Variants in SLC35F1 observed in about 807,000 individuals in gnomAD.
SLC35F1 encodes the protein chromosome 6 open reading frame 169.
Under a neutral mutation model 48.7 loss-of-function variants are expected in SLC35F1, and 14 were observed. That is an observed-to-expected ratio of 0.29 (90% confidence interval 0.19 to 0.45). The LOEUF (loss-of-function observed/expected upper bound fraction) is 0.45. Among genes scored for constraint, SLC35F1 ranks in the 20% least tolerant of loss-of-function variants. The pLI is 1.00. For synonymous variants in SLC35F1, 190 were observed against 202.2 expected, an observed-to-expected ratio of 0.94 and a Z score of 0.51; for missense variants, 404 against 500.0, an observed-to-expected ratio of 0.81 and a Z score of 1.83.
At chr6:118,113,030 C>T (rs1272183405) in intron 1 of SLC35F1, among the ~76,000 whole-genome samples, 4 of 152,034 alleles carry the variant, frequency 2.6e-5, no homozygotes, top group Non-Finnish European at 4.4e-5. Flanking sequence ...ATGTACAACA[C>T]CAAGAGTGAA....
In SLC35F1 at chr6:118,162,206, G is replaced by A. The variant is rs114276277; in HGVS notation, c.349+7586G>A. On this transcript the variant is annotated intron_variant, in intron 2 of 7. Transcript: ENST00000360388. ...ATAAAAAGAAATAAGCTACTGATAC[G>A]TATAATAGTATGGGTTAATCTCAAA... 4.1e-3 allele frequency among the ~76,000 whole-genome samples: 619 copies of A among 152,268 alleles called. 3 individuals carry two copies. The highest frequency in any genetic ancestry group is 0.014 in the African/African-American group (587 of 41,566).
At chr6:118,195,448 C>T (rs1774787941) in intron 2 of SLC35F1, among the ~76,000 whole-genome samples, 1 of 152,100 alleles carries the variant, frequency 6.6e-6, no homozygotes, top group Non-Finnish European at 1.5e-5. Context: ...TTCAGGATCC[C>T]ATTTTTACCT....
chr6:118,011,061 G>T (rs1034563007), intron 1 of SLC35F1, among the ~76,000 whole-genome samples: 5 of 152,124 alleles, frequency 3.3e-5, no homozygotes, highest in African/African-American at 9.7e-5. Flanking sequence ...ACATCCAATA[G>T]TACAGTGGTC....
At chr6:118,024,339 T>A (rs779800839) in intron 1 of SLC35F1, among the ~76,000 whole-genome samples, 41 of 152,164 alleles carry the variant, frequency 2.7e-4, no homozygotes, top group Non-Finnish European at 8.8e-5. Flanking sequence ...AGTGCTAATT[T>A]ATGTAAAGAA....
chr6:118,297,606 AT>A (rs899474945), intron 7 of SLC35F1, among the ~76,000 whole-genome samples: 1 of 139,648 alleles, frequency 7.2e-6, no homozygotes, highest in African/African-American at 2.7e-5. Flanking sequence ...CCTAAGTTGC[AT>A]TTTTTTCTCA....
At chr6:118,279,378 T>A (rs1304691410) in intron 6 of SLC35F1, among the ~76,000 whole-genome samples, 1 of 152,198 alleles carries the variant, frequency 6.6e-6, no homozygotes, top group Non-Finnish European at 1.5e-5. Context: ...TTGGGATGTG[T>A]TTACACCAGG....
At chr6:118,284,491 T>C (rs888554406) in intron 6 of SLC35F1, among the ~76,000 whole-genome samples, 3 of 152,032 alleles carry the variant, frequency 2.0e-5, no homozygotes, top group Non-Finnish European at 4.4e-5. Flanking sequence ...GGATGAGAGA[T>C]TGGCCACATA....
intron 3 of SLC35F1, among the ~76,000 whole-genome samples, chr6:118,260,970 T>A (rs998398581): frequency 1.3e-5 from 2 of 152,216 alleles, no homozygotes; most frequent in African/African-American, 4.8e-5. Flanking sequence ...AACTCTGAAG[T>A]TACTCTGTTC....
In SLC35F1 at chr6:118,314,847, A is replaced by G. The variant is rs76531026; in HGVS notation, c.*595A>G. ...ATTTTGTGCTGTGACCTTTGTGGGG[A>G]GGGGCAACTGACCATATACTTCTCT... On this transcript the variant is annotated 3_prime_UTR_variant, in exon 8 of 8. Coordinates refer to ENST00000360388, the MANE Select transcript of SLC35F1 (RefSeq NM_001029858.4). 0.015 allele frequency: 2,327 copies of G among 154,310 alleles called. 21 individuals carry two copies. Among genetic ancestry groups the G allele is most frequent in the Non-Finnish European group, 0.02 (1,370 of 69,160 alleles). The allele number at this position is 154,310 out of a possible 1,614,324, so 9.6% of individuals were successfully genotyped here.
At chr6:118,048,247 G>A (rs1281534081) in intron 1 of SLC35F1, among the ~76,000 whole-genome samples, 2 of 152,080 alleles carry the variant, frequency 1.3e-5, no homozygotes, top group South Asian at 2.1e-4. Context: ...TGATCATGGT[G>A]GATAAGCTTT....
chr6:118,021,400 C>T (rs1777391941), intron 1 of SLC35F1, among the ~76,000 whole-genome samples: 1 of 152,144 alleles, frequency 6.6e-6, no homozygotes, highest in Non-Finnish European at 1.5e-5. Flanking sequence ...CAATACAGAG[C>T]ATCCTAAGTG....
intron 2 of SLC35F1, among the ~76,000 whole-genome samples, chr6:118,187,226 A>G (rs1004735320): frequency 6.6e-5 from 10 of 152,296 alleles, no homozygotes; most frequent in African/African-American, 2.2e-4. Flanking sequence ...CAAAATGCCA[A>G]TGCTGAAATT....
At chr6:118,187,795 C>T (rs921702276) in intron 2 of SLC35F1, among the ~76,000 whole-genome samples, 2 of 152,198 alleles carry the variant, frequency 1.3e-5, no homozygotes, top group South Asian at 4.1e-4. Context: ...GGAAACTCCT[C>T]CTAGCATATA....
intron 1 of SLC35F1, among the ~76,000 whole-genome samples, chr6:118,029,589 T>G (rs568058255): frequency 6.6e-6 from 1 of 152,238 alleles, no homozygotes; most frequent in South Asian, 2.1e-4. Context: ...GTTTCAGGCA[T>G]CCACTGGGGG....
intron 1 of SLC35F1, among the ~76,000 whole-genome samples, chr6:118,072,446 C>T (rs1207322055): frequency 6.6e-6 from 1 of 152,084 alleles, no homozygotes; most frequent in Non-Finnish European, 1.5e-5. Context: ...CGCCTGTAGT[C>T]CCAGCTACTC....
intron 3 of SLC35F1, among the ~76,000 whole-genome samples, chr6:118,254,982 G>A (rs1775624153): frequency 6.6e-6 from 1 of 152,060 alleles, no homozygotes; most frequent in Non-Finnish European, 1.5e-5. Flanking sequence ...AAATGCAGAG[G>A]AACACCCCCA....
chr6:117,945,758 A>C (rs532245654), intron 1 of SLC35F1, among the ~76,000 whole-genome samples: 35 of 152,280 alleles, frequency 2.3e-4, no homozygotes, highest in African/African-American at 7.9e-4. Context: ...ATTGAAGGGA[A>C]ACCCTTTTCT....
chr6:118,049,136 G>T (rs1485163289), intron 1 of SLC35F1, among the ~76,000 whole-genome samples: 4 of 152,128 alleles, frequency 2.6e-5, no homozygotes, highest in Non-Finnish European at 5.9e-5. Context: ...TTTAATAAAT[G>T]GTGCTGGGAA....
chr6:118,010,590 G>A (rs1056199321), intron 1 of SLC35F1, among the ~76,000 whole-genome samples: 17 of 152,052 alleles, frequency 1.1e-4, no homozygotes, highest in African/African-American at 3.9e-4. Context: ...ATGTTAACAC[G>A]TACAAAAGGT....
Sources: allele counts gnomAD v4.1 joint callset (sites outside exome capture counted in the v4.1 genomes callset), GRCh38; gene constraint gnomAD v4.1.1; transcripts MANE v1.5; gene names NCBI Gene and HGNC (gene_info 2026-07-23, HGNC 2026-07-21).